NKAIN3: variants seen among roughly 807,000 people sequenced by gnomAD.
The protein encoded by NKAIN3 is sodium/potassium transporting ATPase interacting 3, also known as sodium/potassium-transporting ATPase subunit beta-1-interacting protein 3.
Under a neutral mutation model 30.2 loss-of-function variants are expected in NKAIN3, and 25 were observed. The ratio of observed to expected loss-of-function variants is 0.83; its 90% CI spans 0.60 to 1.16. NKAIN3 has a LOEUF of 1.16. Ranked by LOEUF, NKAIN3 falls within the 50% of genes most tolerant of loss-of-function variation. NKAIN3 has a pLI of 0.00. For missense variants in NKAIN3, 225 were observed against 254.1 expected (o/e 0.89, Z 0.78); for synonymous variants, 91 against 89.6 (o/e 1.02, Z -0.09).
intron 3 of NKAIN3, among the ~76,000 whole-genome samples, chr8:62,685,043 CACA>C: frequency 6.6e-6 from 1 of 152,302 alleles, no homozygotes; most frequent in Non-Finnish European, 1.5e-5. Flanking sequence ...GCCTGCTGTA[CACA>C]TAACATCCCA....
chr8:62,286,449 A>G (rs1813383009), intron 1 of NKAIN3, among the ~76,000 whole-genome samples: 1 of 152,156 alleles, frequency 6.6e-6, no homozygotes, highest in Admixed American at 6.6e-5. Context: ...ACAATACTGA[A>G]CCGTAATTTA....
At chr8:62,603,083 A>G (rs1811030644) in intron 3 of NKAIN3, among the ~76,000 whole-genome samples, 1 of 152,134 alleles carries the variant, frequency 6.6e-6, no homozygotes, top group Non-Finnish European at 1.5e-5. Context: ...CATGCAGTCG[A>G]TTGAAGATAA....
intron 3 of NKAIN3, among the ~76,000 whole-genome samples, chr8:62,700,681 C>T (rs1383608199): frequency 3.9e-5 from 6 of 152,080 alleles, no homozygotes; most frequent in Admixed American, 6.6e-5. Flanking sequence ...TGATTTGCAG[C>T]GAAGCTGTAT....
intron 1 of NKAIN3, among the ~76,000 whole-genome samples, chr8:62,528,764 C>T (rs552167553): frequency 4.6e-5 from 7 of 152,132 alleles, no homozygotes; most frequent in South Asian, 2.1e-4. Flanking sequence ...TTGTGTATGC[C>T]GGTATGACGT....
intron 3 of NKAIN3, among the ~76,000 whole-genome samples, chr8:62,691,803 ATT>A (rs1813975964): frequency 6.6e-6 from 1 of 152,174 alleles, no homozygotes; most frequent in Non-Finnish European, 1.5e-5. Flanking sequence ...TCAGTTAGCT[ATT>A]TAATGTGGCT....
chr8:62,839,410 T>C (rs76314537), intron 4 of NKAIN3, among the ~76,000 whole-genome samples: 2 of 151,926 alleles, frequency 1.3e-5, no homozygotes, highest in Non-Finnish European at 2.9e-5. Flanking sequence ...TCTTAAAAAT[T>C]GGTAGAAAAA....
chr8:62,413,745 TATC>T (rs1305377490), intron 1 of NKAIN3, among the ~76,000 whole-genome samples: 4 of 152,254 alleles, frequency 2.6e-5, no homozygotes, highest in Non-Finnish European at 5.9e-5. Flanking sequence ...AAATAAAAGA[TATC>T]ATAATATAGG....
intron 1 of NKAIN3, among the ~76,000 whole-genome samples, chr8:62,393,642 C>G (rs1563378124): frequency 2.0e-5 from 3 of 151,768 alleles, no homozygotes; most frequent in Non-Finnish European, 4.4e-5. Context: ...ATAGAGACTG[C>G]TAGGATTTTG....
chr8:62,355,124 A>G (rs73684973), intron 1 of NKAIN3, among the ~76,000 whole-genome samples: 6,148 of 152,246 alleles, frequency 0.04, 440 homozygotes, highest in African/African-American at 0.14. Context: ...AGATTCATAG[A>G]GAATTATTTT....
At position 62,604,677 on chromosome 8, in the gene NKAIN3, A is replaced by G. The variant is rs1016917306; in HGVS notation, c.273+14883A>G. Among the ~76,000 whole-genome samples, 6 of 152,290 alleles carry G rather than the reference A, an allele frequency of 3.9e-5. No homozygotes were observed. In the East Asian group the frequency reaches 9.7e-4, roughly 25 times the overall value. ...TTTTCTAAAAGAATAGAAATTTAAAAGCATACATTTCTAGGATTAGAATTG... is the reference window on the plus strand; with the variant it reads ...TTTTCTAAAAGAATAGAAATTTAAAGGCATACATTTCTAGGATTAGAATTG... On this transcript the variant is annotated intron_variant, in intron 3 of 6. Transcript: ENST00000623646.
At chr8:62,455,535 G>A (rs377454867) in intron 1 of NKAIN3, among the ~76,000 whole-genome samples, 19 of 152,254 alleles carry the variant, frequency 1.2e-4, no homozygotes, top group African/African-American at 3.9e-4. Flanking sequence ...GGGAGGAAGT[G>A]GGGAGGGCAT....
At position 62,519,051 on chromosome 8, in the gene NKAIN3, G is replaced by A. The variant is rs1474127359; in HGVS notation, c.55-60488G>A. ...AAATAAATGCTCCAAAATATTTCAT[G>A]TAGATCTTTGTACCAAATTTATACA... On this transcript the variant is annotated intron_variant, in intron 1 of 6. Transcript: ENST00000623646. 3.9e-5 allele frequency among the ~76,000 whole-genome samples: 6 copies of A among 152,120 alleles called. No individual in the cohort carries two copies. The East Asian group carries it at 9.6e-4, about 24-fold the overall frequency.
chr8:62,418,092 A>T (rs1210270171), intron 1 of NKAIN3, among the ~76,000 whole-genome samples: 1 of 152,174 alleles, frequency 6.6e-6, no homozygotes, highest in African/African-American at 2.4e-5. Flanking sequence ...ATTGAGGTGC[A>T]TTATCAGTCC....
intron 1 of NKAIN3, among the ~76,000 whole-genome samples, chr8:62,508,837 A>G (rs751335432): frequency 4.6e-5 from 7 of 152,190 alleles, no homozygotes; most frequent in Admixed American, 3.9e-4. Flanking sequence ...ACCAATTTCA[A>G]GTGTGTGGTG....
intron 1 of NKAIN3, among the ~76,000 whole-genome samples, chr8:62,304,805 G>A (rs1814171703): frequency 3.9e-5 from 1 of 25,734 alleles, no homozygotes; most frequent in Admixed American, 3.6e-4. Context: ...TGTGTCCTTG[G>A]TGTGTGGACA....
intron 3 of NKAIN3, among the ~76,000 whole-genome samples, chr8:62,650,064 C>A (rs2130327192): frequency 6.6e-6 from 1 of 152,168 alleles, no homozygotes; most frequent in Non-Finnish European, 1.5e-5. Context: ...CAGTTTCTTT[C>A]TGATGGCTGA....
rs554026846 is a variant in NKAIN3 at position 62,500,934 on chromosome 8, C to T, written c.55-78605C>T. On this transcript the variant is annotated intron_variant, in intron 1 of 6. Coordinates refer to ENST00000623646, the MANE Select transcript of NKAIN3 (RefSeq NM_001304533.3). ...GCAGGGATGATGCACGCCATCATAA[C>T]GGGGATTGCTAGGCCAAATGTTCTT... Among the ~76,000 whole-genome samples the T allele has an allele frequency of 3.3e-5, 5 of 152,214 alleles. 1 individual carries two copies. In the South Asian group the frequency reaches 6.2e-4, roughly 19 times the overall value.
At chr8:62,783,272 C>T (rs1302255223) in intron 4 of NKAIN3, among the ~76,000 whole-genome samples, 1 of 152,010 alleles carries the variant, frequency 6.6e-6, no homozygotes, top group Admixed American at 6.6e-5. Context: ...AATTAATGCC[C>T]TTATAAAAGA....
chr8:62,547,707 A>G (rs1445327135), intron 1 of NKAIN3, among the ~76,000 whole-genome samples: 1 of 152,186 alleles, frequency 6.6e-6, no homozygotes, highest in African/African-American at 2.4e-5. Flanking sequence ...AGCAGCATTT[A>G]GATATCAAGT....
Sources: allele counts gnomAD v4.1 joint callset (sites outside exome capture counted in the v4.1 genomes callset), GRCh38; gene constraint gnomAD v4.1.1; transcripts MANE v1.5; gene names NCBI Gene and HGNC (gene_info 2026-07-23, HGNC 2026-07-21).